Variants in SHTN1 observed in about 807,000 individuals in gnomAD.
SHTN1 encodes shootin-1.
Under a neutral mutation model 83.1 loss-of-function variants are expected in SHTN1, and 42 were observed. The observed-to-expected ratio is 0.51, with a 90% CI of 0.39 to 0.65. The LOEUF is 0.65. SHTN1 is among the 30% of genes least tolerant of loss of function. The pLI is 0.00. For synonymous variants in SHTN1, 224 were observed against 247.7 expected (o/e 0.90, Z 0.90); for missense variants, 622 against 737.8 (o/e 0.84, Z 1.82).
chr10:116,906,341 C>T (rs776904534), intron 15 of SHTN1, among the ~76,000 whole-genome samples: 4 of 152,040 alleles, frequency 2.6e-5, no homozygotes, highest in Non-Finnish European at 4.4e-5. Flanking sequence ...ATATTGTTGC[C>T]GAATCTCTTC....
chr10:117,057,892 A>T (rs1852847811), intron 1 of SHTN1, among the ~76,000 whole-genome samples: 1 of 152,238 alleles, frequency 6.6e-6, no homozygotes. Flanking sequence ...ACAGGAAAGT[A>T]TGACCCACTC....
intron 1 of SHTN1, among the ~76,000 whole-genome samples, chr10:116,983,683 GATAAATAC>G (rs1409314154): frequency 0.019 from 280 of 14,786 alleles, no homozygotes; most frequent in Non-Finnish European, 0.06. Context: ...TAGATAGATA[GATAAATAC>G]ATACATACAT....
intron 2 of SHTN1, among the ~76,000 whole-genome samples, chr10:117,039,680 C>T (rs758800897): frequency 2.6e-5 from 4 of 151,576 alleles, no homozygotes; most frequent in Admixed American, 1.3e-4. Flanking sequence ...GGTGAAAACC[C>T]GTCTCTACTA....
At chr10:116,995,884 G>C in intron 1 of SHTN1, among the ~76,000 whole-genome samples, 1 of 152,096 alleles carries the variant, frequency 6.6e-6, no homozygotes, top group East Asian at 1.9e-4. Flanking sequence ...GGAACATCAG[G>C]AATCTAGGGA....
At chr10:117,107,642 G>C (rs547181169) in intron 1 of SHTN1, among the ~76,000 whole-genome samples, 1 of 152,320 alleles carries the variant, frequency 6.6e-6, no homozygotes, top group African/African-American at 2.4e-5. Flanking sequence ...TAGTCAGAAT[G>C]TGTTTGATAG....
chr10:117,125,887 G>A (rs1853997320), intron 1 of SHTN1, among the ~76,000 whole-genome samples: 1 of 152,170 alleles, frequency 6.6e-6, no homozygotes, highest in African/African-American at 2.4e-5. Context: ...CAGTAAAATG[G>A]GCTGATGACC....
At chr10:116,933,628 A>ATG (rs1021273738) in intron 9 of SHTN1, among the ~76,000 whole-genome samples, 11 of 152,034 alleles carry the variant, frequency 7.2e-5, no homozygotes, top group African/African-American at 2.2e-4. Context: ...CAATAAACAT[A>ATG]TGTGTGTGTG....
At chr10:117,081,878 G>T (rs1169155799) in intron 1 of SHTN1, among the ~76,000 whole-genome samples, 1 of 151,844 alleles carries the variant, frequency 6.6e-6, no homozygotes, top group Admixed American at 6.6e-5. Flanking sequence ...GATCGGTGGT[G>T]ACATCCCCTT....
Position 116,929,965 on chromosome 10 carries a change from A to G in SHTN1, c.896T>C (p.Leu299Pro). 1 of 1,601,130 alleles carries G rather than the reference A, an allele frequency of 6.2e-7. No individual in the cohort carries two copies. Among genetic ancestry groups the G allele is most frequent in the Non-Finnish European group, 8.5e-7 (1 of 1,173,702 alleles). ...ELEEQLENET[L>P]HKEIHNLKQQ... ...TTTGAGGTTGTGTATTTCTTTGTGG[A>G]GTGTTTCATTTTCTAGTTGCTCTTC... Residue 299 changes from leucine (L) to proline (P), a missense_variant, in exon 10 of 17, where the codon CTC becomes CCC. By Grantham distance (98) the Leu-to-Pro change is moderately conservative. Around this residue, in one of 3 missense-constraint regions of SHTN1, gnomAD observed 383 missense variants for 455.8 expected, o/e 0.84. Coordinates refer to ENST00000355371, the MANE Select transcript of SHTN1 (RefSeq NM_001127211.3).
At chr10:117,033,771 AT>A (rs1564936777) in intron 2 of SHTN1, among the ~76,000 whole-genome samples, 1 of 152,208 alleles carries the variant, frequency 6.6e-6, no homozygotes, top group Non-Finnish European at 1.5e-5. Context: ...TTGATAAAAA[AT>A]CCTCAACAAA....
chr10:116,977,660 C>CTGTGTGTG (rs1196264025), intron 2 of SHTN1, among the ~76,000 whole-genome samples: 1 of 57,662 alleles, frequency 1.7e-5, no homozygotes. Flanking sequence ...GACTTTCTTA[C>CTGTGTGTG]TCTGTGTGTG....
At position 116,882,235 on chromosome 10, in the gene SHTN1, G is replaced by A. The variant is rs1847037161; in HGVS notation, c.*4109C>T. 1 of 151,742 alleles carries A rather than the reference G, an allele frequency of 6.6e-6. No individual in the cohort carries two copies. The highest frequency in any genetic ancestry group is 1.5e-5 in the Non-Finnish European group (1 of 67,956). 9.4% of individuals were successfully genotyped at this position (151,742 alleles called of 1,614,324 possible). On this transcript the variant is annotated 3_prime_UTR_variant, in exon 17 of 17. Coordinates refer to ENST00000355371, the MANE Select transcript of SHTN1 (RefSeq NM_001127211.3). ...AATTCCCTCTCCTTTTTAAATTTTA[G>A]TTTTTCTTGTATTATTTTTATCTTT...
chr10:117,051,455 A>G (rs976919835), intron 1 of SHTN1, among the ~76,000 whole-genome samples: 2 of 152,170 alleles, frequency 1.3e-5, no homozygotes, highest in Non-Finnish European at 2.9e-5. Context: ...GACAAAGACA[A>G]TGCAAGAAAA....
chr10:117,071,683 A>C (rs996290834), intron 1 of SHTN1, among the ~76,000 whole-genome samples: 2 of 152,102 alleles, frequency 1.3e-5, no homozygotes, highest in Non-Finnish European at 2.9e-5. Flanking sequence ...TTAGTCAGCC[A>C]CTTGCTCTGC....
At chr10:116,920,158 T>C (rs1848506744) in intron 12 of SHTN1, among the ~76,000 whole-genome samples, 1 of 152,180 alleles carries the variant, frequency 6.6e-6, no homozygotes, top group Non-Finnish European at 1.5e-5. Context: ...ATTACCATGT[T>C]GTTTATACTA....
chr10:116,937,441 G>A (rs1282941693), intron 9 of SHTN1, among the ~76,000 whole-genome samples: 2 of 152,298 alleles, frequency 1.3e-5, no homozygotes, highest in African/African-American at 4.8e-5. Context: ...GGCTGGATAT[G>A]AAATTCTAGG....
intron 1 of SHTN1, among the ~76,000 whole-genome samples, chr10:117,119,925 C>T (rs532151797): frequency 2.0e-5 from 3 of 151,434 alleles, no homozygotes; most frequent in Non-Finnish European, 4.4e-5. Context: ...ATAAGCCAGG[C>T]GCAGAGAGAC....
intron 13 of SHTN1, among the ~76,000 whole-genome samples, 186 bp downstream of exon 13, chr10:116,915,189 T>C (rs1467694633): frequency 2.6e-5 from 4 of 152,218 alleles, no homozygotes; most frequent in African/African-American, 9.6e-5. Context: ...TTCCTTTTTA[T>C]ACTGATTTAG....
rs573088769 is a variant in SHTN1, at chr10:117,004,595, C to CT, written c.58+426dup. Among the ~76,000 whole-genome samples, 461 of 152,274 alleles carry CT rather than the reference C, an allele frequency of 3.0e-3. 1 individual carries two copies. The highest frequency in any genetic ancestry group is 5.3e-3 in the Admixed American group (81 of 15,306). On this transcript the variant is annotated intron_variant, in intron 1 of 16. Coordinates refer to ENST00000355371, the MANE Select transcript of SHTN1 (RefSeq NM_001127211.3). ...AAGCTGGGAAGGGTGTGAAACAGCC[C>CT]TACAGGCCACCCAGCGCCAACAAAT... is the stretch of plus-strand genomic sequence containing the variant.
Sources: allele counts gnomAD v4.1 joint callset (sites outside exome capture counted in the v4.1 genomes callset), GRCh38; gene constraint gnomAD v4.1.1; regional missense constraint gnomAD v4.1.1; transcripts MANE v1.5; gene names NCBI Gene and HGNC (gene_info 2026-07-23, HGNC 2026-07-21).